The following CSNK2A2IP variants were observed in gnomAD, a reference collection of about 807,000 sequenced individuals.
CSNK2A2IP encodes the protein casein kinase 2 subunit alpha' interacting protein.
At chr3:88,375,342 C>T in the CSNK2A2IP span, among the ~76,000 whole-genome samples, 332 of 151,878 alleles carry the variant, frequency 2.2e-3, 1 homozygote, top group African/African-American at 7.5e-3. Context: ...CTCTTCTATC[C>T]TGTTGTTGGG....
At chr3:88,431,884 G>T in the CSNK2A2IP span, among the ~76,000 whole-genome samples, 5 of 152,144 alleles carry the variant, frequency 3.3e-5, no homozygotes, top group Admixed American at 3.3e-4. Context: ...TCAGGAAAAA[G>T]AAGAGGTCCT....
chr3:88,416,227 C>T, the CSNK2A2IP span, among the ~76,000 whole-genome samples: 1 of 148,530 alleles, frequency 6.7e-6, no homozygotes, highest in Non-Finnish European at 1.5e-5. Flanking sequence ...GAGCCGAGAT[C>T]GGCCACTGCA....
chr3:88,458,141 G>GGTTTTTTTTTTTTT, the CSNK2A2IP span, among the ~76,000 whole-genome samples: 5 of 83,304 alleles, frequency 6.0e-5, 2 homozygotes, highest in Non-Finnish European at 2.2e-5. Flanking sequence ...TGTAATTGTG[G>GGTTTTTTTTTTTTT]TTTTTTTTTT....
At chr3:88,387,450 T>G in the CSNK2A2IP span, among the ~76,000 whole-genome samples, 1 of 152,198 alleles carries the variant, frequency 6.6e-6, no homozygotes, top group Non-Finnish European at 1.5e-5. Context: ...ATTACAGGCA[T>G]GAGCTACTGT....
At chr3:88,362,038 C>T in the CSNK2A2IP span, among the ~76,000 whole-genome samples, 1 of 152,060 alleles carries the variant, frequency 6.6e-6, no homozygotes, top group Admixed American at 6.6e-5. Context: ...AGACAGTTGA[C>T]AGCTATTTTA....
the CSNK2A2IP span, among the ~76,000 whole-genome samples, chr3:88,339,812 A>G: frequency 2.0e-5 from 3 of 152,082 alleles, no homozygotes; most frequent in Non-Finnish European, 4.4e-5. Flanking sequence ...TAACCAGAGC[A>G]GCAATTATGG....
chr3:88,420,212 T>A, the CSNK2A2IP span, among the ~76,000 whole-genome samples: 1 of 152,334 alleles, frequency 6.6e-6, no homozygotes, highest in East Asian at 1.9e-4. Flanking sequence ...GCACTTGAAT[T>A]AGGAACTATC....
chr3:88,342,327 C>G, the CSNK2A2IP span, among the ~76,000 whole-genome samples: 1 of 151,980 alleles, frequency 6.6e-6, no homozygotes, highest in Non-Finnish European at 1.5e-5. Flanking sequence ...CCTATCATGG[C>G]CCACACCTGT....
the CSNK2A2IP span, among the ~76,000 whole-genome samples, chr3:88,417,711 T>G: frequency 2.0e-5 from 3 of 152,234 alleles, no homozygotes; most frequent in Admixed American, 6.5e-5. Context: ...TTCTATTTAC[T>G]GTCAACTGTA....
chr3:88,418,580 G>T, the CSNK2A2IP span, among the ~76,000 whole-genome samples: 1 of 152,220 alleles, frequency 6.6e-6, no homozygotes, highest in East Asian at 1.9e-4. Context: ...CCATTGACAG[G>T]AGGTAAGGGG....
the CSNK2A2IP span, among the ~76,000 whole-genome samples, chr3:88,342,676 T>A: frequency 6.7e-6 from 1 of 148,986 alleles, no homozygotes; most frequent in Non-Finnish European, 1.5e-5. Context: ...GTCTATATTG[T>A]CAGAAAAAAA....
the CSNK2A2IP span, among the ~76,000 whole-genome samples, chr3:88,412,654 A>G: frequency 6.6e-6 from 1 of 152,008 alleles, no homozygotes; most frequent in Non-Finnish European, 1.5e-5. Flanking sequence ...ATGTGTAGTT[A>G]GGAGCTTTCA....
the CSNK2A2IP span, among the ~76,000 whole-genome samples, chr3:88,444,953 T>C: frequency 6.6e-6 from 1 of 152,186 alleles, no homozygotes; most frequent in Non-Finnish European, 1.5e-5. Flanking sequence ...GTTTTAAACC[T>C]AGTGACCATT....
chr3:88,423,418 T>C, the CSNK2A2IP span, among the ~76,000 whole-genome samples: 1 of 151,988 alleles, frequency 6.6e-6, no homozygotes, highest in Non-Finnish European at 1.5e-5. Flanking sequence ...ATGAAGGAAG[T>C]GTCAAGATTA....
At chr3:88,372,870 G>A in the CSNK2A2IP span, among the ~76,000 whole-genome samples, 2 of 151,284 alleles carry the variant, frequency 1.3e-5, no homozygotes, top group African/African-American at 2.4e-5. Context: ...TTTAACACAA[G>A]GATTATTACT....
chr3:88,386,910 A>T, the CSNK2A2IP span, among the ~76,000 whole-genome samples: 2 of 152,174 alleles, frequency 1.3e-5, no homozygotes, highest in African/African-American at 4.8e-5. Context: ...TAAAGATGTC[A>T]CCACTAATAA....
At chr3:88,344,558 T>C in the CSNK2A2IP span, among the ~76,000 whole-genome samples, 1 of 151,930 alleles carries the variant, frequency 6.6e-6, no homozygotes, top group East Asian at 1.9e-4. Context: ...TGGATAACTA[T>C]ATGGATTTGA....
At chr3:88,392,941 G>A in the CSNK2A2IP span, among the ~76,000 whole-genome samples, 13 of 152,250 alleles carry the variant, frequency 8.5e-5, no homozygotes, top group South Asian at 1.4e-3. Flanking sequence ...ATAATTAATA[G>A]CACAAGGTTT....
At chr3:88,351,720 C>A in the CSNK2A2IP span, among the ~76,000 whole-genome samples, 3 of 152,120 alleles carry the variant, frequency 2.0e-5, no homozygotes, top group African/African-American at 4.8e-5. Context: ...GATAACTCCC[C>A]ATTTTCCTAT....
Sources: allele counts gnomAD v4.1 joint callset (sites outside exome capture counted in the v4.1 genomes callset), GRCh38; gene constraint gnomAD v4.1.1; transcripts MANE v1.5; gene names NCBI Gene and HGNC (gene_info 2026-07-23, HGNC 2026-07-21).